MAP4K4: variants seen among roughly 807,000 people sequenced by gnomAD.
MAP4K4 encodes mitogen-activated protein kinase kinase kinase kinase 4.
A neutral mutation model predicts 189.6 loss-of-function variants in MAP4K4; 38 were observed. The observed-to-expected ratio is 0.20, with a 90% CI of 0.15 to 0.26. The LOEUF is 0.26. Among genes scored for constraint, MAP4K4 ranks in the 10% least tolerant of loss-of-function variants. MAP4K4 has a pLI of 1.00. For missense variants in MAP4K4, 1,054 were observed against 1,726.9 expected (o/e 0.61, Z 6.91); for synonymous variants, 610 against 624.3 (o/e 0.98, Z 0.34).
At chr2:101,823,826 A>G (rs918877470) in intron 3 of MAP4K4, 102 bp from the exon 4 acceptor site, 3 of 980,858 alleles carry the variant, frequency 3.1e-6, no homozygotes, top group Non-Finnish European at 4.4e-6. Context: ...CTCCTGGAGG[A>G]TGGAGAACTT....
chr2:101,720,472 G>A (rs1272735164), intron 2 of MAP4K4, among the ~76,000 whole-genome samples: 1 of 152,120 alleles, frequency 6.6e-6, no homozygotes. Context: ...GCTTCAGAGA[G>A]CCTCTATGCA....
intron 12 of MAP4K4, among the ~76,000 whole-genome samples, chr2:101,851,333 A>G (rs1559185573): frequency 6.6e-6 from 1 of 152,222 alleles, no homozygotes; most frequent in Admixed American, 6.5e-5. Flanking sequence ...TAAAAGCTTC[A>G]AAAGATTGTA....
chr2:101,749,266 A>G (rs1333209837), intron 2 of MAP4K4, among the ~76,000 whole-genome samples: 4 of 151,770 alleles, frequency 2.6e-5, no homozygotes, highest in Admixed American at 2.0e-4. Flanking sequence ...ACTGTACTAC[A>G]AGGCTACAGT....
chr2:101,785,681 T>C (rs1272694602), intron 2 of MAP4K4, among the ~76,000 whole-genome samples: 28 of 676 alleles, frequency 0.041, no homozygotes, highest in East Asian at 0.33. Flanking sequence ...TTTCTCCCTC[T>C]CTCTCTCTCT....
intron 3 of MAP4K4, among the ~76,000 whole-genome samples, chr2:101,800,974 A>T (rs2094306451): frequency 6.6e-6 from 1 of 152,156 alleles, no homozygotes; most frequent in Non-Finnish European, 1.5e-5. Context: ...TTCTAAGTAA[A>T]ATAAATGGTT....
At chr2:101,873,869 C>T (rs1368131507) in intron 25 of MAP4K4, 105 bp downstream of exon 25, 17 of 868,148 alleles carry the variant, frequency 2.0e-5, no homozygotes, top group South Asian at 3.3e-5. Context: ...GCACAGACCT[C>T]GGGTACAGAA....
chr2:101,838,408 A>G (rs2236932), intron 9 of MAP4K4, among the ~76,000 whole-genome samples: 92,124 of 152,136 alleles, frequency 0.61, 29,351 homozygotes, highest in African/African-American at 0.81. Context: ...GACTTCAAGG[A>G]CTTTTCTCTG....
rs576430471 is a variant in MAP4K4 at position 101,757,336 on chromosome 2, C to T, written c.124-33384C>T. 5.6e-3 allele frequency among the ~76,000 whole-genome samples: 860 copies of T among 152,238 alleles called. 9 individuals are homozygous for T. The highest frequency in any genetic ancestry group is 9.9e-3 in the Non-Finnish European group (676 of 68,002). On this transcript the variant is annotated intron_variant, in intron 2 of 32. Transcript: ENST00000324219. ...ATAGCATATATAATCTGTATTTCTGCATTTATCTCTTTTTCTACAAAATTT... is the reference window on the plus strand; with the variant it reads ...ATAGCATATATAATCTGTATTTCTGTATTTATCTCTTTTTCTACAAAATTT...
intron 2 of MAP4K4, among the ~76,000 whole-genome samples, chr2:101,775,661 C>G (rs145122537): frequency 4.6e-5 from 7 of 152,058 alleles, no homozygotes; most frequent in Non-Finnish European, 1.0e-4. Flanking sequence ...TATTTTTCCT[C>G]GGAAAAAAAT....
At chr2:101,806,765 C>G (rs568141915) in intron 3 of MAP4K4, among the ~76,000 whole-genome samples, 2 of 152,302 alleles carry the variant, frequency 1.3e-5, no homozygotes, top group South Asian at 2.1e-4. Context: ...GAAGCTAGAA[C>G]TGAAGAAGAC....
At chr2:101,863,681 C>G in intron 16 of MAP4K4, 140 bp from the exon 17 acceptor site, 1 of 449,956 alleles carries the variant, frequency 2.2e-6, no homozygotes, top group Non-Finnish European at 4.5e-6. Context: ...GTAACTGTTT[C>G]ACTGCGTGGC....
At chr2:101,829,411 G>A in intron 5 of MAP4K4, 93 bp from the exon 6 acceptor site, 1 of 780,414 alleles carries the variant, frequency 1.3e-6, no homozygotes, top group Non-Finnish European at 2.2e-6. Context: ...AACACCTTTG[G>A]TCCACATGTG....
At chr2:101,856,011 A>G (rs1351105434) in exon 13 of MAP4K4, 1 of 1,551,668 alleles carries the variant, frequency 6.4e-7, no homozygotes, top group Admixed American at 2.0e-5. Flanking sequence ...AGAAGGCAGC[A>G]GGAACGTGAA....
chr2:101,844,684 G>A (rs982918487), intron 12 of MAP4K4, among the ~76,000 whole-genome samples: 4 of 152,086 alleles, frequency 2.6e-5, no homozygotes, highest in African/African-American at 9.7e-5. Flanking sequence ...TCTACTCTCA[G>A]CCTCTGGGTC....
At chr2:101,866,278 G>T in intron 18 of MAP4K4, 150 bp from the exon 19 acceptor site, 1 of 593,244 alleles carries the variant, frequency 1.7e-6, no homozygotes, top group African/African-American at 1.9e-5. Context: ...ATATCTTTTG[G>T]TGAATTTAAT....
exon 22 of MAP4K4, chr2:101,869,720 G>A (rs372889312): frequency 2.4e-5 from 38 of 1,598,620 alleles, no homozygotes; most frequent in Admixed American, 1.7e-4. Context: ...AGTCGGGGAC[G>A]ACGGATGAGG....
Position 101,727,190 on chromosome 2 carries a change from C to G in MAP4K4, c.123+28652C>G, listed in dbSNP as rs77229857. ...ACAAATATTGAAGCCATTACACCCT[C>G]TCATAGCTTTCTGATGAGTTTTCTA... On this transcript the variant is annotated intron_variant, in intron 2 of 32. Coordinates refer to ENST00000324219, the Ensembl canonical transcript of MAP4K4. Among the ~76,000 whole-genome samples, 1,203 of 152,304 alleles carry G rather than the reference C, an allele frequency of 7.9e-3. 18 individuals carry two copies. The highest frequency in any genetic ancestry group is 0.028 in the African/African-American group (1,155 of 41,552).
chr2:101,860,602 A>G, intron 15 of MAP4K4: 1 of 467,272 alleles, frequency 2.1e-6, no homozygotes, highest in Non-Finnish European at 3.8e-6. Flanking sequence ...GAGAGCTTAG[A>G]GACTGCCTTG....
At chr2:101,727,516 C>T (rs1021347315) in intron 2 of MAP4K4, among the ~76,000 whole-genome samples, 3 of 152,122 alleles carry the variant, frequency 2.0e-5, no homozygotes, top group African/African-American at 7.2e-5. Context: ...TGGTTTTTGT[C>T]CAACATAGAT....
Sources: gnomAD v4.1 joint callset for allele counts (sites outside exome capture counted in the v4.1 genomes callset) on GRCh38, gnomAD v4.1.1 for gene constraint, MANE v1.5 for transcripts, NCBI Gene and HGNC (gene_info 2026-07-23, HGNC 2026-07-21) for gene names.